The following MECOM variants were observed in gnomAD, a reference collection of about 807,000 sequenced individuals.
The protein encoded by MECOM is histone-lysine N-methyltransferase MECOM.
MECOM carries 13 observed loss-of-function variants against 116.3 expected under a neutral mutation model. The ratio of observed to expected loss-of-function variants is 0.11; its 90% CI spans 0.07 to 0.18. The LOEUF (loss-of-function observed/expected upper bound fraction) is 0.18, where lower values mean the gene tolerates loss of function less well. Among genes scored for constraint, MECOM ranks in the 10% least tolerant of loss-of-function variants. The pLI, the probability that MECOM is intolerant of heterozygous loss-of-function variation, is 1.00. For missense variants in MECOM, 1,299 were observed against 1,509.0 expected, an observed-to-expected ratio of 0.86 and a Z score of 2.31; for synonymous variants, 528 against 535.2, an observed-to-expected ratio of 0.99 and a Z score of 0.19.
chr3:169,212,036 C>T (rs1750789949), intron 2 of MECOM, among the ~76,000 whole-genome samples: 1 of 152,080 alleles, frequency 6.6e-6, no homozygotes, highest in South Asian at 2.1e-4. Flanking sequence ...TTTTCTCTAT[C>T]TGCATTCAAT....
rs1384164938 is a variant in MECOM at position 169,083,812 on chromosome 3, GT to G, written c.*1096del. 1 of 212,588 alleles carries G rather than the reference GT, an allele frequency of 4.7e-6. No homozygotes were observed. The highest frequency in any genetic ancestry group is 9.5e-6 in the Non-Finnish European group (1 of 105,066). 13.2% of individuals were successfully genotyped at this position (212,588 alleles called of 1,614,324 possible). The stretch of plus-strand genomic sequence containing the variant: ...CAACCAGCATAAAATATGGAGTACA[GT>G]TTTTAATCAGAAGAATCATGCTTCC... On this transcript the variant is annotated 3_prime_UTR_variant, in exon 17 of 17. Coordinates refer to ENST00000651503, the MANE Select transcript of MECOM (RefSeq NM_004991.4).
intron 1 of MECOM, among the ~76,000 whole-genome samples, chr3:169,525,222 AC>A (rs1757823644): frequency 6.6e-6 from 1 of 152,234 alleles, no homozygotes; most frequent in Non-Finnish European, 1.5e-5. Flanking sequence ...GAAATTCCAA[AC>A]TGCTCCAGAG....
intron 2 of MECOM, among the ~76,000 whole-genome samples, chr3:169,152,686 C>T (rs1024562019): frequency 9.2e-5 from 14 of 152,110 alleles, no homozygotes; most frequent in African/African-American, 3.1e-4. Context: ...ATTAGCACCC[C>T]GTTATTGTCC....
At chr3:169,551,207 G>T (rs897950379) in intron 1 of MECOM, among the ~76,000 whole-genome samples, 1 of 152,224 alleles carries the variant, frequency 6.6e-6, no homozygotes, top group South Asian at 2.1e-4. Context: ...TCTTGATCCT[G>T]TATATCCTGG....
At chr3:169,211,279 G>C (rs751540351) in intron 2 of MECOM, among the ~76,000 whole-genome samples, 4 of 152,018 alleles carry the variant, frequency 2.6e-5, no homozygotes, top group Non-Finnish European at 4.4e-5. Flanking sequence ...AATATACCCT[G>C]AGGCCTTGGA....
chr3:169,541,035 G>T (rs1576787198), intron 1 of MECOM, among the ~76,000 whole-genome samples: 1 of 152,326 alleles, frequency 6.6e-6, no homozygotes, highest in East Asian at 1.9e-4. Context: ...CTGATCATAT[G>T]AATTTAAAAA....
rs1485123242 is a variant in MECOM at position 169,223,355 on chromosome 3, A to G, written c.376-79523T>C. Among the ~76,000 whole-genome samples, 3 of 130,544 alleles carry G rather than the reference A, an allele frequency of 2.3e-5. 1 individual carries two copies. The highest frequency in any genetic ancestry group is 4.8e-4 in the South Asian group (2 of 4,126). 85.6% of individuals were successfully genotyped at this position (130,544 alleles called of 152,430 possible). A position where few individuals can be genotyped will look rare whatever the true frequency, so the allele number is the denominator to read the frequency against. On this transcript the variant is annotated intron_variant, in intron 2 of 16. Transcript: ENST00000651503. ...CTGTGTCCAAGTGTTCTCATTGTTC[A>G]ATTCCCACCTATGAGTGAGAACATG...
intron 1 of MECOM, among the ~76,000 whole-genome samples, chr3:169,541,349 T>C (rs969259992): frequency 2.6e-5 from 4 of 152,220 alleles, no homozygotes; most frequent in African/African-American, 7.2e-5. Context: ...CTATCAAATA[T>C]GCATGACATC....
chr3:169,433,082 A>G (rs1047593491), intron 1 of MECOM, among the ~76,000 whole-genome samples: 4 of 152,252 alleles, frequency 2.6e-5, no homozygotes, highest in Non-Finnish European at 4.4e-5. Context: ...ATAAAAGTTT[A>G]TAGAAACGGT....
intron 1 of MECOM, among the ~76,000 whole-genome samples, chr3:169,595,960 C>T (rs771280766): frequency 1.3e-5 from 2 of 152,044 alleles, no homozygotes; most frequent in African/African-American, 2.4e-5. Flanking sequence ...CAATCAGACA[C>T]TAGCACACCA....
intron 1 of MECOM, among the ~76,000 whole-genome samples, chr3:169,511,337 G>C (rs1457871068): frequency 6.6e-6 from 1 of 152,200 alleles, no homozygotes; most frequent in Non-Finnish European, 1.5e-5. Flanking sequence ...GAAGACAGTG[G>C]CTCAATGAGG....
intron 1 of MECOM, among the ~76,000 whole-genome samples, chr3:169,414,101 T>G (rs1294396158): frequency 6.6e-6 from 1 of 152,136 alleles, no homozygotes; most frequent in Non-Finnish European, 1.5e-5. Context: ...GGGAGATATC[T>G]CCCATCAGGG....
intron 2 of MECOM, among the ~76,000 whole-genome samples, chr3:169,284,809 A>T (rs965891566): frequency 2.4e-4 from 37 of 152,194 alleles, no homozygotes; most frequent in Non-Finnish European, 1.3e-4. Flanking sequence ...TTCTTAATTT[A>T]TTATCATATA....
At chr3:169,157,897 T>C (rs552466017) in intron 2 of MECOM, among the ~76,000 whole-genome samples, 1 of 152,338 alleles carries the variant, frequency 6.6e-6, no homozygotes, top group South Asian at 2.1e-4. Context: ...TCTCTCCACA[T>C]ATAATCTGGA....
At chr3:169,318,734 G>C (rs886737153) in intron 2 of MECOM, among the ~76,000 whole-genome samples, 4 of 152,114 alleles carry the variant, frequency 2.6e-5, no homozygotes, top group Admixed American at 1.3e-4. Flanking sequence ...TCTAAAACCA[G>C]AAATACCATT....
chr3:169,238,134 C>A (rs1754327334), intron 2 of MECOM, among the ~76,000 whole-genome samples: 1 of 143,388 alleles, frequency 7.0e-6, no homozygotes, highest in Non-Finnish European at 1.5e-5. Flanking sequence ...GAGATCATGC[C>A]ACTGCACTCC....
intron 1 of MECOM, among the ~76,000 whole-genome samples, chr3:169,531,210 T>A (rs902063026): frequency 6.6e-6 from 1 of 152,212 alleles, no homozygotes; most frequent in African/African-American, 2.4e-5. Context: ...CTCAGTGCCA[T>A]TATGACTTAT....
At chr3:169,194,889 T>G (rs1748212843) in intron 2 of MECOM, among the ~76,000 whole-genome samples, 1 of 152,008 alleles carries the variant, frequency 6.6e-6, no homozygotes, top group Non-Finnish European at 1.5e-5. Flanking sequence ...TGCTATCATT[T>G]GAGAGTGCAA....
chr3:169,590,286 C>T (rs1766257348), intron 1 of MECOM, among the ~76,000 whole-genome samples: 1 of 151,978 alleles, frequency 6.6e-6, no homozygotes, highest in Admixed American at 6.6e-5. Context: ...AGGTAAATAC[C>T]AAGATGAATA....
Sources: allele counts gnomAD v4.1 joint callset (sites outside exome capture counted in the v4.1 genomes callset), GRCh38; gene constraint gnomAD v4.1.1; transcripts MANE v1.5; gene names NCBI Gene and HGNC (gene_info 2026-07-23, HGNC 2026-07-21).